Variants in ZFYVE9 observed in about 807,000 individuals in gnomAD.
The protein encoded by ZFYVE9 is zinc finger FYVE-type containing 9, also known as zinc finger FYVE domain-containing protein 9.
ZFYVE9 carries 43 observed loss-of-function variants against 126.7 expected under a neutral mutation model. That is an observed-to-expected ratio of 0.34 (90% confidence interval 0.27 to 0.44). The LOEUF is 0.44. ZFYVE9 is among the 20% of genes least tolerant of loss of function. The pLI, the probability that ZFYVE9 is intolerant of heterozygous loss-of-function variation, is 1.00. For synonymous variants in ZFYVE9, 521 were observed against 597.4 expected (o/e 0.87, Z 1.87); for missense variants, 1,476 against 1,697.0 (o/e 0.87, Z 2.29).
chr1:52,308,032 G>A (rs1005763994), intron 13 of ZFYVE9, among the ~76,000 whole-genome samples: 3 of 152,124 alleles, frequency 2.0e-5, no homozygotes, highest in Non-Finnish European at 4.4e-5. Flanking sequence ...GATTACAGGC[G>A]TGAGCCACTG....
At chr1:52,332,616 AT>A (rs549811468) in intron 13 of ZFYVE9, 151 bp from the exon 14 acceptor site, 10 of 922,454 alleles carry the variant, frequency 1.1e-5, no homozygotes, top group Admixed American at 9.6e-5. Context: ...TAATGGTGAC[AT>A]TTTTTTACTT....
At chr1:52,170,511 T>C (rs1025487048) in intron 1 of ZFYVE9, among the ~76,000 whole-genome samples, 12 of 152,128 alleles carry the variant, frequency 7.9e-5, no homozygotes, top group Non-Finnish European at 1.2e-4. Flanking sequence ...ATTACTTCTT[T>C]TCTTCTAATT....
chr1:52,263,078 CAAAAAAA>C (rs759753454), intron 4 of ZFYVE9, among the ~76,000 whole-genome samples: 4 of 70,344 alleles, frequency 5.7e-5, no homozygotes, highest in Admixed American at 1.6e-4. Flanking sequence ...AATTGTGTCT[CAAAAAAA>C]AAAAAAAAAA....
chr1:52,319,365 C>T (rs1381980344), intron 13 of ZFYVE9, among the ~76,000 whole-genome samples: 3 of 152,134 alleles, frequency 2.0e-5, no homozygotes, highest in African/African-American at 7.2e-5. Flanking sequence ...TGGCTCACAC[C>T]TGTAATCCTA....
At chr1:52,206,538 G>T (rs1291940110) in intron 1 of ZFYVE9, among the ~76,000 whole-genome samples, 1 of 152,008 alleles carries the variant, frequency 6.6e-6, no homozygotes, top group African/African-American at 2.4e-5. Context: ...TTTTGTTGTT[G>T]TTGTTGTTTT....
In ZFYVE9 at chr1:52,268,496, T is replaced by C; in HGVS notation, c.2489T>C (p.Phe830Ser). 1 of 1,614,156 alleles carries C rather than the reference T, an allele frequency of 6.2e-7. No individual in the cohort carries two copies. Among genetic ancestry groups the C allele is most frequent in the Non-Finnish European group, 8.5e-7 (1 of 1,180,014 alleles). ...CCCAGAGAGCAGAGGCGAGTTTGGT[T>C]TGCTGATGGGATCTTGCCCAATGGA... ...AQPREQRRVW[F>S]ADGILPNGEV... The change falls in exon 7 of 19, where the codon TTT becomes TCT. Residue 830 changes from phenylalanine to serine, a missense_variant. Phe to Ser is a radical substitution (Grantham distance 155, BLOSUM62 -2). Around this residue, in one of 2 missense-constraint regions of ZFYVE9, gnomAD observed 669 missense variants for 902.4 expected, o/e 0.74. Transcript: ENST00000287727.
intron 13 of ZFYVE9, among the ~76,000 whole-genome samples, chr1:52,312,852 A>G (rs942059830): frequency 1.3e-5 from 2 of 152,214 alleles, no homozygotes; most frequent in Non-Finnish European, 2.9e-5. Flanking sequence ...TCTAAAGTTC[A>G]TATATTGAAG....
intron 13 of ZFYVE9, among the ~76,000 whole-genome samples, chr1:52,316,441 C>T (rs576517424): frequency 6.9e-4 from 102 of 148,510 alleles, no homozygotes; most frequent in Non-Finnish European, 1.2e-3. Flanking sequence ...GCCGAGATCA[C>T]GCCACTGCAC....
intron 4 of ZFYVE9, among the ~76,000 whole-genome samples, chr1:52,263,483 C>T (rs1645601024): frequency 6.6e-6 from 1 of 152,104 alleles, no homozygotes; most frequent in African/African-American, 2.4e-5. Flanking sequence ...AGAAATCTTG[C>T]CTAGGGGTAA....
chr1:52,334,594 G>A (rs1015812522), intron 14 of ZFYVE9, 94 bp from the exon 15 acceptor site: 7 of 1,304,734 alleles, frequency 5.4e-6, no homozygotes, highest in Non-Finnish European at 7.6e-6. Flanking sequence ...GTGTGATGAT[G>A]GTCGGAATTC....
chr1:52,176,316 T>C (rs1245732454), intron 1 of ZFYVE9, among the ~76,000 whole-genome samples: 1 of 152,216 alleles, frequency 6.6e-6, no homozygotes, highest in Non-Finnish European at 1.5e-5. Flanking sequence ...CAGCGGATCT[T>C]GGTGAACCGC....
At chr1:52,255,305 C>T (rs80078339) in intron 4 of ZFYVE9, among the ~76,000 whole-genome samples, 1 of 151,978 alleles carries the variant, frequency 6.6e-6, no homozygotes, top group African/African-American at 2.4e-5. Context: ...ATTTTAGAGC[C>T]AGGCACGGTG....
intron 13 of ZFYVE9, among the ~76,000 whole-genome samples, chr1:52,332,403 C>A (rs1646350802): frequency 6.6e-6 from 1 of 152,140 alleles, no homozygotes; most frequent in Non-Finnish European, 1.5e-5. Context: ...ATGGGACATT[C>A]TTTTGAACTT....
chr1:52,293,327 C>T, intron 10 of ZFYVE9, 126 bp from the exon 11 acceptor site: 1 of 770,314 alleles, frequency 1.3e-6, no homozygotes, highest in Non-Finnish European at 1.9e-6. Context: ...TGCAGTGAGC[C>T]AAGATTGCGC....
chr1:52,210,466 T>G (rs1286401555), intron 1 of ZFYVE9, among the ~76,000 whole-genome samples: 5 of 152,172 alleles, frequency 3.3e-5, no homozygotes, highest in African/African-American at 1.2e-4. Flanking sequence ...GGGTCATCTT[T>G]TTTCCCTGTC....
chr1:52,281,688 C>T lies in ZFYVE9; in HGVS notation c.2897C>T (p.Thr966Ile), dbSNP rs142219419. Residue 966 changes from threonine (T) to isoleucine (I), a missense_variant, in exon 10 of 19, where the codon ACA becomes ATA. Thr to Ile is a moderately conservative substitution (Grantham distance 89). Around this residue, in one of 2 missense-constraint regions of ZFYVE9, gnomAD observed 669 missense variants for 902.4 expected, o/e 0.74. Transcript: ENST00000287727. ...NYVNRKCWCF[T>I]TKGMHAVGQS... The stretch of plus-strand genomic sequence containing the variant: ...GTGAACAGGAAGTGCTGGTGTTTCA[C>T]AACCAAGGGAATGCATGCAGTGGGT... The T allele has an allele frequency of 1.2e-4, 190 of 1,613,972 alleles. No individual in the cohort carries two copies. The highest frequency in any genetic ancestry group is 1.5e-4 in the Non-Finnish European group (182 of 1,180,024).
rs1277566931 is a variant in ZFYVE9, at chr1:52,323,104, C to T, written c.3439-9664C>T. Among the ~76,000 whole-genome samples, 6 of 152,254 alleles carry T rather than the reference C, an allele frequency of 3.9e-5. No homozygotes were observed. In the East Asian group the frequency reaches 1.2e-3, roughly 29 times the overall value. ...CAGGTGTGAGCCACCACGCCCGGCC[C>T]TCTGTGACCTCATTTTTTATAACTA... On this transcript the variant is annotated intron_variant, in intron 13 of 18. Transcript: ENST00000287727.
At position 52,346,231 on chromosome 1, in the gene ZFYVE9, A is replaced by G; in HGVS notation, c.*10A>G. 6.4e-7 allele frequency: 1 copy of G among 1,569,854 alleles called. No individual in the cohort carries two copies. On this transcript the variant is annotated 3_prime_UTR_variant, in exon 19 of 19. Transcript: ENST00000287727. ...GGAAAACATCGTATAAACAGAGAAGACTTCATTTTTTTCTGTTCAGACTTG... is the reference window on the plus strand; with the variant it reads ...GGAAAACATCGTATAAACAGAGAAGGCTTCATTTTTTTCTGTTCAGACTTG...
At chr1:52,261,432 C>A (rs187759151) in intron 4 of ZFYVE9, among the ~76,000 whole-genome samples, 191 of 152,120 alleles carry the variant, frequency 1.3e-3, no homozygotes, top group African/African-American at 4.2e-3. Context: ...TAGGTTATAA[C>A]CTGAAACCCT....
Sources: allele counts gnomAD v4.1 joint callset (sites outside exome capture counted in the v4.1 genomes callset), GRCh38; gene constraint gnomAD v4.1.1; regional missense constraint gnomAD v4.1.1; transcripts MANE v1.5; gene names NCBI Gene and HGNC (gene_info 2026-07-23, HGNC 2026-07-21).